NTRK1: variants seen among roughly 807,000 people sequenced by gnomAD.
NTRK1 encodes high affinity nerve growth factor receptor.
A neutral mutation model predicts 86.8 loss-of-function variants in NTRK1; 62 were observed. The ratio of observed to expected loss-of-function variants is 0.71; its 90% confidence interval spans 0.58 to 0.88. The LOEUF is 0.88. NTRK1 is among the 40% of genes least tolerant of loss of function. The pLI is 0.00. For synonymous variants in NTRK1, 469 were observed against 456.6 expected (o/e 1.03, Z -0.35); for missense variants, 967 against 1,078.4 (o/e 0.90, Z 1.45).
intron 2 of NTRK1, chr1:156,845,362 T>C (rs758171975): frequency 1.9e-5 from 31 of 1,594,768 alleles, no homozygotes; most frequent in Non-Finnish European, 2.4e-5. Context: ...CCTGCCCTAG[T>C]CCTGCTCACC....
chr1:156,826,554 G>A (rs1171276057), intron 1 of NTRK1, among the ~76,000 whole-genome samples: 1 of 152,104 alleles, frequency 6.6e-6, no homozygotes, highest in Non-Finnish European at 1.5e-5. Context: ...CTCCCAAAGT[G>A]CTGGGATTAC....
chr1:156,841,262 G>C (rs1160633221), intron 1 of NTRK1: 6 of 1,018,238 alleles, frequency 5.9e-6, no homozygotes, highest in Admixed American at 1.9e-5. Context: ...GTTTGGGATA[G>C]GGGGGTGGCG....
At chr1:156,857,097 G>T (rs923055877), upstream of NTRK1, among the ~76,000 whole-genome samples, 1 of 151,676 alleles carries the variant, frequency 6.6e-6, no homozygotes, top group Non-Finnish European at 1.5e-5. Flanking sequence ...CTCCCTGGGG[G>T]TTACTTCACA....
upstream of NTRK1, chr1:156,860,777 G>C: frequency 7.7e-7 from 1 of 1,300,972 alleles, no homozygotes; most frequent in Non-Finnish European, 9.8e-7. Flanking sequence ...GGGTGGAGAA[G>C]AGGGGCAAGG....
chr1:156,868,673 C>T, intron 6 of NTRK1, 26 bp downstream of exon 6: 1 of 1,549,226 alleles, frequency 6.5e-7, no homozygotes, highest in Admixed American at 2.0e-5. Context: ...CTGGCAGCCC[C>T]CAAGAGGTCC....
chr1:156,843,248 A>T, intron 2 of NTRK1: 3 of 1,610,928 alleles, frequency 1.9e-6, no homozygotes, highest in Non-Finnish European at 2.5e-6. Flanking sequence ...AAGGAGGTGG[A>T]GGGTCACAAA....
chr1:156,867,034 A>G, intron 4 of NTRK1, 56 bp downstream of exon 4: 1 of 1,571,758 alleles, frequency 6.4e-7, no homozygotes. Flanking sequence ...GCCTGTGTGC[A>G]CTTGGGTCTG....
chr1:156,846,189 C>G (rs1249190108), intron 2 of NTRK1: 1 of 1,454,538 alleles, frequency 6.9e-7, no homozygotes, highest in Non-Finnish European at 9.2e-7. Context: ...GTAATGAGCC[C>G]TCCTTTCTGG....
In NTRK1 at chr1:156,853,052, A is replaced by G. The variant is rs190073461; in HGVS notation, c.50+10859A>G. Among the ~76,000 whole-genome samples the G allele has an allele frequency of 1.9e-3, 289 of 152,036 alleles. 2 individuals are homozygous for G. The highest frequency in any genetic ancestry group is 3.4e-3 in the Middle Eastern group (1 of 294). On this transcript the variant is annotated intron_variant, in intron 2 of 16. Coordinates refer to the NTRK1 transcript ENST00000392302. ...CGTTTTGCTTACTCCTGCACCAGCC[A>G]TCCCTTTTCTTTCCTCCTTTCTCCT...
chr1:156,858,739 G>C, upstream of NTRK1: 1 of 800,560 alleles, frequency 1.2e-6, no homozygotes, highest in Non-Finnish European at 2.2e-6. Flanking sequence ...GGGAGGGCAG[G>C]GGCAGAGAGA....
chr1:156,860,991 G>A lies in NTRK1; in HGVS notation c.57G>A (p.Pro19=), dbSNP rs944894163. 3.9e-6 allele frequency: 6 copies of A among 1,529,088 alleles called. No individual in the cohort carries two copies. In the Admixed American group the frequency reaches 5.9e-5, roughly 15 times the overall value. 94.7% of individuals were successfully genotyped at this position (1,529,088 alleles called of 1,614,324 possible). A position where few individuals can be genotyped will look rare whatever the true frequency, so the allele number is the denominator to read the frequency against. Residue 19 remains proline (P), a synonymous_variant, in exon 1 of 17, where the codon CCG becomes CCA. Transcript: ENST00000524377. ...QLGWHSWAAG[P]GSLLAWLILA... ...GCTGGCACAGCTGGGCTGCGGGGCC[G>A]GGCAGCCTGCTGGCTTGGCTGATAC...
At chr1:156,867,964 A>T in intron 4 of NTRK1, 140 bp from the exon 5 acceptor site, 2 of 927,718 alleles carry the variant, frequency 2.2e-6, no homozygotes, top group African/African-American at 1.6e-5. Context: ...ACATCCTGTT[A>T]CTGGAGTCAG....
chr1:156,881,367 T>C, intron 16 of NTRK1, 90 bp from the exon 17 acceptor site: 1 of 1,341,498 alleles, frequency 7.5e-7, no homozygotes, highest in South Asian at 1.4e-5. Context: ...GTGAGCTGCC[T>C]TGGGAGCCTC....
At chr1:156,845,682 G>T (rs762739029) in intron 2 of NTRK1, 9 of 1,611,548 alleles carry the variant, frequency 5.6e-6, no homozygotes, top group South Asian at 2.2e-5. Context: ...GGCCTCTTGC[G>T]CCTCCAGCGG....
intron 1 of NTRK1, chr1:156,840,634 T>A (rs1654737610): frequency 1.7e-6 from 1 of 572,700 alleles, no homozygotes; most frequent in Non-Finnish European, 3.1e-6. Flanking sequence ...TGACCTGATC[T>A]CTACTCCTCT....
intron 1 of NTRK1, among the ~76,000 whole-genome samples, chr1:156,839,743 T>C (rs1192683338): frequency 6.6e-6 from 1 of 152,124 alleles, no homozygotes; most frequent in Non-Finnish European, 1.5e-5. Flanking sequence ...TGGACCGATA[T>C]AACGAACATA....
At chr1:156,847,244 TAG>T (rs1317407090) in intron 2 of NTRK1, among the ~76,000 whole-genome samples, 3 of 152,230 alleles carry the variant, frequency 2.0e-5, no homozygotes, top group Admixed American at 2.0e-4. Flanking sequence ...TGTGTTTTTC[TAG>T]AGAGAGTGTT....
At position 156,879,368 on chromosome 1, in the gene NTRK1, G is replaced by C. The variant is rs776166825; in HGVS notation, c.2046+6G>C. The C allele has an allele frequency of 6.3e-7, 1 of 1,595,838 alleles. No homozygotes were observed. The highest frequency in any genetic ancestry group is 8.5e-7 in the Non-Finnish European group (1 of 1,174,176). ...ACAGCACCGACTATTACCGTGTAAG[G>C]GTCCTTTGTCCCCAACGCCTTCCCC... On this transcript the variant is annotated splice_donor_region_variant and intron_variant, in intron 15 of 16. Coordinates refer to ENST00000524377, the MANE Select transcript of NTRK1 (RefSeq NM_002529.4).
At chr1:156,859,987 G>C (rs190983935), upstream of NTRK1, among the ~76,000 whole-genome samples, 455 of 152,332 alleles carry the variant, frequency 3.0e-3, no homozygotes, top group Non-Finnish European at 4.4e-3. This position sits in a 1 kb window ranked among gnomAD's most constrained non-coding sequence, Gnocchi z 6.2. Flanking sequence ...CAAGGTGCGC[G>C]GTCCTCAGCT....
Sources: allele counts gnomAD v4.1 joint callset (sites outside exome capture counted in the v4.1 genomes callset), GRCh38; gene constraint gnomAD v4.1.1; non-coding constraint Gnocchi (gnomAD v3.1); transcripts MANE v1.5; gene names NCBI Gene and HGNC (gene_info 2026-07-23, HGNC 2026-07-21).